TRPC7: variants seen among roughly 807,000 people sequenced by gnomAD.
TRPC7 encodes the protein short transient receptor potential channel 7.
TRPC7 carries 42 observed loss-of-function variants against 90.1 expected under a neutral mutation model. The observed-to-expected ratio is 0.47, with a 90% CI of 0.36 to 0.60. TRPC7 has a LOEUF of 0.60. Ranked by LOEUF, TRPC7 falls within the 20% of genes least tolerant of loss-of-function variation. The pLI is 0.00. For missense variants in TRPC7, 955 were observed against 1,112.3 expected, an observed-to-expected ratio of 0.86 and a Z score of 2.01; for synonymous variants, 451 against 436.3, an observed-to-expected ratio of 1.03 and a Z score of -0.42.
At chr5:136,271,403 A>G (rs1169351722) in intron 4 of TRPC7, among the ~76,000 whole-genome samples, 6 of 152,232 alleles carry the variant, frequency 3.9e-5, no homozygotes, top group Admixed American at 3.9e-4. Context: ...GCCACATCAT[A>G]TAGAGACACT....
chr5:136,240,451 A>G (rs1257503575), intron 7 of TRPC7, among the ~76,000 whole-genome samples: 4 of 152,172 alleles, frequency 2.6e-5, no homozygotes, highest in Non-Finnish European at 4.4e-5. Flanking sequence ...TGCTCCATAC[A>G]TGTTTGTCAA....
chr5:136,275,986 T>G (rs1288032613), intron 3 of TRPC7, among the ~76,000 whole-genome samples: 1 of 152,200 alleles, frequency 6.6e-6, no homozygotes, highest in Non-Finnish European at 1.5e-5. Context: ...TGAGACACTT[T>G]TATATTCATA....
At chr5:136,224,741 C>A (rs1326749724) in intron 10 of TRPC7, among the ~76,000 whole-genome samples, 2 of 152,148 alleles carry the variant, frequency 1.3e-5, no homozygotes, top group African/African-American at 4.8e-5. Flanking sequence ...CAAAGTTACC[C>A]TCTCCCCCAT....
At chr5:136,361,380 T>C (rs1760564360) in intron 1 of TRPC7, among the ~76,000 whole-genome samples, 1 of 152,164 alleles carries the variant, frequency 6.6e-6, no homozygotes, top group South Asian at 2.1e-4. Flanking sequence ...AAACCATATA[T>C]GAGAGGAGGA....
intron 2 of TRPC7, among the ~76,000 whole-genome samples, chr5:136,342,397 G>C (rs1254349551): frequency 6.6e-6 from 1 of 152,194 alleles, no homozygotes; most frequent in Non-Finnish European, 1.5e-5. Flanking sequence ...TGAAAAACGA[G>C]GAGTGTTCTT....
rs372598060 is a variant in TRPC7 at position 136,251,686 on chromosome 5, A to G, written c.1542T>C (p.Asn514=). ...ATGCCACTTCCGGCGGAAGCGAGAC[A>G]TTGTGCAGCGTGTCGTCCTGCACGT... ...DQHVQDDTLH[N]VSLPPEVAYF... Residue 514 remains asparagine (N), a synonymous_variant, in exon 6 of 12, where the codon AAT becomes AAC. Transcript: ENST00000513104. 3 of 1,612,226 alleles carry G rather than the reference A, an allele frequency of 1.9e-6. No individual in the cohort carries two copies. Among genetic ancestry groups the G allele is most frequent in the Non-Finnish European group, 2.5e-6 (3 of 1,178,494 alleles).
intron 5 of TRPC7, among the ~76,000 whole-genome samples, chr5:136,254,015 A>G (rs2149806953): frequency 6.6e-6 from 1 of 152,314 alleles, no homozygotes; most frequent in East Asian, 1.9e-4. Context: ...TGCCCAAACC[A>G]GAGGAAGACC....
intron 5 of TRPC7, among the ~76,000 whole-genome samples, chr5:136,263,149 T>G (rs1306459104): frequency 1.3e-5 from 2 of 151,886 alleles, no homozygotes; most frequent in Admixed American, 1.3e-4. Context: ...TTACCCAGAG[T>G]GGGGAGATAT....
chr5:136,293,477 G>T (rs1259682151), intron 3 of TRPC7, among the ~76,000 whole-genome samples: 1 of 152,166 alleles, frequency 6.6e-6, no homozygotes, highest in Non-Finnish European at 1.5e-5. Context: ...AAAATCACAA[G>T]CATTCTTATA....
chr5:136,340,935 T>C (rs532963985), intron 2 of TRPC7, among the ~76,000 whole-genome samples: 61 of 152,278 alleles, frequency 4.0e-4, no homozygotes, highest in African/African-American at 1.4e-3. Flanking sequence ...ACTGTTTCTC[T>C]CCTACAAAAT....
At chr5:136,218,579 A>G (rs1490058456) in intron 10 of TRPC7, among the ~76,000 whole-genome samples, 1 of 152,230 alleles carries the variant, frequency 6.6e-6, no homozygotes, top group Non-Finnish European at 1.5e-5. Context: ...AAATTCTTTC[A>G]TAGGTGCAGC....
At chr5:136,316,503 T>G (rs1358761831) in intron 2 of TRPC7, among the ~76,000 whole-genome samples, 1 of 152,242 alleles carries the variant, frequency 6.6e-6, no homozygotes, top group Non-Finnish European at 1.5e-5. Context: ...TTAAATCACC[T>G]GCCTGTTGAA....
rs1378293784 is a variant in TRPC7, at chr5:136,251,720, A to G, written c.1508T>C (p.Val503Ala). The G allele has an allele frequency of 1.7e-5, 28 of 1,613,836 alleles. No homozygotes were observed. The East Asian group carries it at 5.3e-4, about 31-fold the overall frequency. ...FLKATEAQLYVDQHVQDDTLH... is the reference protein window; with the variant it reads ...FLKATEAQLYADQHVQDDTLH... ...CGTGTCGTCCTGCACGTGCTGGTCCACGTACAGCTGTGCCTCCGTGGCCTT... is the reference window on the plus strand; with the variant it reads ...CGTGTCGTCCTGCACGTGCTGGTCCGCGTACAGCTGTGCCTCCGTGGCCTT... Residue 503 changes from valine to alanine, a missense_variant, in exon 6 of 12, where the codon GTG becomes GCG. Val to Ala is a moderately conservative substitution (Grantham distance 64). Coordinates refer to ENST00000513104, the MANE Select transcript of TRPC7 (RefSeq NM_020389.3).
At chr5:136,338,016 G>A (rs1315057954) in intron 2 of TRPC7, among the ~76,000 whole-genome samples, 3 of 152,196 alleles carry the variant, frequency 2.0e-5, no homozygotes, top group Non-Finnish European at 4.4e-5. Flanking sequence ...TTGTGAGTAA[G>A]TGCGTCGTAT....
chr5:136,318,604 C>T (rs1333785959), intron 2 of TRPC7, among the ~76,000 whole-genome samples: 1 of 152,172 alleles, frequency 6.6e-6, no homozygotes, highest in Non-Finnish European at 1.5e-5. Flanking sequence ...CCTCACATTC[C>T]CTGCCCTTTC....
At chr5:136,286,103 G>GA in intron 3 of TRPC7, among the ~76,000 whole-genome samples, 1 of 152,324 alleles carries the variant, frequency 6.6e-6, no homozygotes, top group Middle Eastern at 3.4e-3. Flanking sequence ...ATAATTTCAA[G>GA]AAATACTTAT....
chr5:136,266,772 T>C (rs1757046607), intron 4 of TRPC7, among the ~76,000 whole-genome samples: 1 of 152,256 alleles, frequency 6.6e-6, no homozygotes, highest in Non-Finnish European at 1.5e-5. Flanking sequence ...AAGTTCACAA[T>C]TTTAAAAAAT....
intron 7 of TRPC7, among the ~76,000 whole-genome samples, chr5:136,240,323 C>T (rs751427382): frequency 2.2e-4 from 34 of 152,180 alleles, no homozygotes; most frequent in Non-Finnish European, 4.4e-4. Flanking sequence ...CATATGGGAT[C>T]GTAGCTGTTG....
intron 3 of TRPC7, among the ~76,000 whole-genome samples, chr5:136,306,476 C>T (rs535697349): frequency 2.0e-5 from 3 of 152,096 alleles, no homozygotes; most frequent in Non-Finnish European, 4.4e-5. Flanking sequence ...ATCGCCCATT[C>T]TCTCTCCATA....
Sources: allele counts gnomAD v4.1 joint callset (sites outside exome capture counted in the v4.1 genomes callset), GRCh38; gene constraint gnomAD v4.1.1; transcripts MANE v1.5; gene names NCBI Gene and HGNC (gene_info 2026-07-23, HGNC 2026-07-21).